Variants in SLC26A7 observed in about 807,000 individuals in gnomAD.
SLC26A7 encodes the protein solute carrier family 26 member 7, also known as anion exchange transporter.
A neutral mutation model predicts 82.5 loss-of-function variants in SLC26A7; 59 were observed. The observed-to-expected ratio is 0.72, with a 90% CI of 0.58 to 0.89. The LOEUF is 0.89. SLC26A7 is among the 40% of genes least tolerant of loss of function. The pLI, the probability that SLC26A7 is intolerant of heterozygous loss-of-function variation, is 0.00. For missense variants in SLC26A7, 820 were observed against 793.0 expected (o/e 1.03, Z -0.41); for synonymous variants, 271 against 274.3 (o/e 0.99, Z 0.12).
At chr8:91,279,139 A>ATATATATATATATG (rs1563656902) in intron 2 of SLC26A7, among the ~76,000 whole-genome samples, 6 of 102,874 alleles carry the variant, frequency 5.8e-5, no homozygotes, top group African/African-American at 2.6e-4. Context: ...ATATATATAT[A>ATATATATATATATG]TATATATATA....
chr8:91,351,398 G>A (rs187242483), intron 9 of SLC26A7, among the ~76,000 whole-genome samples: 16 of 152,216 alleles, frequency 1.1e-4, no homozygotes, highest in African/African-American at 2.9e-4. Context: ...AAAATCCTAA[G>A]CCACATATTC....
chr8:91,285,251 TGCCTTCATCGTCATGTGGCGTTCACAC>T, intron 2 of SLC26A7, among the ~76,000 whole-genome samples: 1 of 152,236 alleles, frequency 6.6e-6, no homozygotes, highest in South Asian at 2.1e-4. Flanking sequence ...GGTGTTCACA[TGCCTTCATCGTCATGTGGCGTTCACAC>T]GCCTTCATCT....
intron 5 of SLC26A7, among the ~76,000 whole-genome samples, chr8:91,328,656 C>A (rs1200297087): frequency 6.6e-6 from 1 of 151,816 alleles, no homozygotes; most frequent in African/African-American, 2.4e-5. Context: ...TACTTTTTTC[C>A]CAGACACCAT....
At chr8:91,393,317 G>T (rs572169190) in intron 16 of SLC26A7, among the ~76,000 whole-genome samples, 2 of 152,194 alleles carry the variant, frequency 1.3e-5, no homozygotes, top group East Asian at 3.9e-4. Flanking sequence ...CTTTTAAAAT[G>T]GAAGTTGGGT....
chr8:91,306,548 A>G (rs1245201450), intron 4 of SLC26A7, among the ~76,000 whole-genome samples: 1 of 152,096 alleles, frequency 6.6e-6, no homozygotes, highest in Non-Finnish European at 1.5e-5. Context: ...GGATGATTTT[A>G]GATTTGCAGA....
At chr8:91,323,251 G>C (rs1322649503) in intron 5 of SLC26A7, among the ~76,000 whole-genome samples, 1 of 152,168 alleles carries the variant, frequency 6.6e-6, no homozygotes, top group Non-Finnish European at 1.5e-5. Context: ...TCTGTAACTT[G>C]ATTCAATCAG....
At chr8:91,370,907 C>G (rs1217652872) in intron 15 of SLC26A7, among the ~76,000 whole-genome samples, 1 of 151,724 alleles carries the variant, frequency 6.6e-6, no homozygotes. Flanking sequence ...CCAATTTCTT[C>G]TAAGTAGGTA....
intron 5 of SLC26A7, among the ~76,000 whole-genome samples, chr8:91,321,089 C>T (rs554546507): frequency 6.6e-6 from 1 of 152,284 alleles, no homozygotes; most frequent in Middle Eastern, 3.4e-3. Flanking sequence ...TGTGTGGTTT[C>T]TACAGTGCCT....
intron 2 of SLC26A7, among the ~76,000 whole-genome samples, chr8:91,268,721 T>C (rs1480237476): frequency 6.6e-6 from 1 of 151,740 alleles, no homozygotes; most frequent in Non-Finnish European, 1.5e-5. Context: ...TTCTTGTTTC[T>C]GGTTGTTTTG....
At chr8:91,325,897 A>G (rs1812919035) in intron 5 of SLC26A7, among the ~76,000 whole-genome samples, 1 of 152,208 alleles carries the variant, frequency 6.6e-6, no homozygotes, top group East Asian at 1.9e-4. Flanking sequence ...GCAGGACACA[A>G]GTCTCTGGAG....
intron 13 of SLC26A7, among the ~76,000 whole-genome samples, chr8:91,364,765 G>C (rs778048218): frequency 1.3e-5 from 2 of 152,170 alleles, no homozygotes; most frequent in African/African-American, 2.4e-5. Flanking sequence ...GTACAGAAGT[G>C]AATGAGGGGA....
chr8:91,291,042 A>G (rs1260183519), intron 3 of SLC26A7, among the ~76,000 whole-genome samples: 2 of 152,160 alleles, frequency 1.3e-5, no homozygotes. Flanking sequence ...TAGGTAATAT[A>G]GTATATATAT....
At chr8:91,268,107 G>T in intron 2 of SLC26A7, among the ~76,000 whole-genome samples, 1 of 151,832 alleles carries the variant, frequency 6.6e-6, no homozygotes, top group Middle Eastern at 3.4e-3. Flanking sequence ...GGTCAGAAAA[G>T]GTACTTGATA....
chr8:91,295,727 A>T (rs1377856534), intron 4 of SLC26A7, 24 bp downstream of exon 4: 4 of 1,609,200 alleles, frequency 2.5e-6, no homozygotes, highest in Non-Finnish European at 3.4e-6. Flanking sequence ...ACACTTGAGC[A>T]CAAAGAAAGG....
At chr8:91,370,070 T>A (rs1426149242) in intron 15 of SLC26A7, among the ~76,000 whole-genome samples, 3 of 152,078 alleles carry the variant, frequency 2.0e-5, no homozygotes, top group Non-Finnish European at 4.4e-5. Context: ...TTTAGCCATT[T>A]GGCTCCTTCT....
intron 2 of SLC26A7, among the ~76,000 whole-genome samples, chr8:91,283,819 G>T (rs1045464672): frequency 6.6e-6 from 1 of 152,148 alleles, no homozygotes; most frequent in East Asian, 1.9e-4. Context: ...TCTTTACTGA[G>T]GGGGTGTTAG....
chr8:91,252,844 A>G lies in SLC26A7; in HGVS notation c.193+3000A>G, dbSNP rs538041642. On this transcript the variant is annotated intron_variant, in intron 2 of 18. Transcript: ENST00000276609. ...TATACTTCTTCCAGTCCTAGCCTGT[A>G]AAAGTCATGTATGATCCTCATGTCC... 1.3e-4 allele frequency among the ~76,000 whole-genome samples: 20 copies of G among 152,244 alleles called. 1 individual carries two copies. Among genetic ancestry groups the G allele is most frequent in the Admixed American group, 1.0e-3 (16 of 15,286 alleles).
At chr8:91,301,705 C>A (rs1812170882) in intron 4 of SLC26A7, among the ~76,000 whole-genome samples, 1 of 151,572 alleles carries the variant, frequency 6.6e-6, no homozygotes, top group African/African-American at 2.4e-5. Context: ...TCTATCTCTG[C>A]TTTTATCTTT....
intron 2 of SLC26A7, among the ~76,000 whole-genome samples, chr8:91,233,521 T>C (rs1191570351): frequency 1.3e-5 from 2 of 151,332 alleles, no homozygotes; most frequent in African/African-American, 4.9e-5. Context: ...GAGTGGAGAT[T>C]GTGCCACTGC....
Sources: gnomAD v4.1 joint callset for allele counts (sites outside exome capture counted in the v4.1 genomes callset) on GRCh38, gnomAD v4.1.1 for gene constraint, MANE v1.5 for transcripts, NCBI Gene and HGNC (gene_info 2026-07-23, HGNC 2026-07-21) for gene names.